DIMT1: variants seen among roughly 807,000 people sequenced by gnomAD.
DIMT1 encodes the protein dimethyladenosine transferase.
Under a neutral mutation model 43.2 loss-of-function variants are expected in DIMT1, and 36 were observed. The ratio of observed to expected loss-of-function variants is 0.83; its 90% CI spans 0.64 to 1.10. DIMT1 has a LOEUF of 1.10. DIMT1 is among the 50% of genes least tolerant of loss of function. The pLI is 0.00. For synonymous variants in DIMT1, 126 were observed against 130.3 expected, an observed-to-expected ratio of 0.97 and a Z score of 0.22; for missense variants, 341 against 385.3, an observed-to-expected ratio of 0.88 and a Z score of 0.96.
chr5:62,396,352 A>G (rs149376461), intron 6 of DIMT1, among the ~76,000 whole-genome samples: 391 of 151,954 alleles, frequency 2.6e-3, no homozygotes, highest in Non-Finnish European at 4.4e-3. Context: ...TAAAAAAAAT[A>G]CAACAATTAG....
chr5:62,392,447 T>G, intron 9 of DIMT1, among the ~76,000 whole-genome samples: 1 of 152,168 alleles, frequency 6.6e-6, no homozygotes, highest in East Asian at 1.9e-4. Flanking sequence ...ATATTTAAAG[T>G]GCAAAATCCT....
At chr5:62,389,083 T>A in intron 11 of DIMT1, 31 bp from the exon 12 acceptor site, 1 of 1,588,292 alleles carries the variant, frequency 6.3e-7, no homozygotes, top group East Asian at 2.2e-5. Flanking sequence ...GGAATGGTAC[T>A]GAAAAGCTAA....
intron 10 of DIMT1, chr5:62,391,734 T>C (rs1481087790): frequency 6.7e-6 from 9 of 1,336,824 alleles, no homozygotes; most frequent in Non-Finnish European, 8.6e-6. Flanking sequence ...TTGAGCCATA[T>C]GAACTTTATT....
intron 5 of DIMT1, 38 bp from the exon 6 acceptor site, chr5:62,398,598 C>A: frequency 6.2e-7 from 1 of 1,613,120 alleles, no homozygotes; most frequent in South Asian, 1.1e-5. Flanking sequence ...GGGAAAGACA[C>A]ATCAGAGGAA....
At chr5:62,397,183 ATC>A (rs1742526874) in intron 6 of DIMT1, among the ~76,000 whole-genome samples, 1 of 151,860 alleles carries the variant, frequency 6.6e-6, no homozygotes, top group South Asian at 2.1e-4. Context: ...ACCTCAAGTG[ATC>A]TGCCCGCCTC....
At chr5:62,389,086 A>G in intron 11 of DIMT1, 34 bp from the exon 12 acceptor site, 1 of 1,585,264 alleles carries the variant, frequency 6.3e-7, no homozygotes. Context: ...ATGGTACTGA[A>G]AAGCTAATTT....
rs769020034 is a variant in DIMT1 at position 62,398,550 on chromosome 5, G to T, written c.407C>A (p.Pro136His). The change falls in exon 6 of 12, where the codon CCT becomes CAT. Residue 136 changes from proline to histidine, a missense_variant. Pro to His is a moderately conservative substitution (Grantham distance 77). Coordinates refer to ENST00000199320, the MANE Select transcript of DIMT1 (RefSeq NM_014473.4). ...ATGTAGCAACAGCTTGAAGACAAAA[G>T]GTGAAGAGATCTGTAAGAGAATTAA... ...VANLPYQISS[P>H]FVFKLLLHRP... 1 of 1,612,934 alleles carries T rather than the reference G, an allele frequency of 6.2e-7. No individual in the cohort carries two copies. The highest frequency in any genetic ancestry group is 8.5e-7 in the Non-Finnish European group (1 of 1,178,990).
intron 6 of DIMT1, among the ~76,000 whole-genome samples, chr5:62,398,083 T>C (rs189819498): frequency 3.9e-4 from 59 of 152,290 alleles, no homozygotes; most frequent in African/African-American, 1.4e-3. Context: ...TCCTTCTCAG[T>C]GCCTCACACT....
chr5:62,400,113 T>A (rs1385697857), intron 3 of DIMT1, among the ~76,000 whole-genome samples: 1 of 152,206 alleles, frequency 6.6e-6, no homozygotes, highest in Non-Finnish European at 1.5e-5. Context: ...TTACTGTTAG[T>A]ATGTCACATC....
At chr5:62,396,139 G>GTTTTTTTTTTTTTTTTGTTTTTTT (rs758847833) in intron 6 of DIMT1, among the ~76,000 whole-genome samples, 1 of 116,746 alleles carries the variant, frequency 8.6e-6, no homozygotes, top group South Asian at 2.6e-4. Flanking sequence ...GTCACTGCAG[G>GTTTTTTTTTTTTTTTTGTTTTTTT]TTTTTTTTTT....
At chr5:62,403,569 C>T in intron 1 of DIMT1, 125 bp downstream of exon 1, 3 of 1,215,156 alleles carry the variant, frequency 2.5e-6, no homozygotes, top group Non-Finnish European at 3.5e-6. Flanking sequence ...CCACCCCTGC[C>T]TTCCGCGCTC....
intron 6 of DIMT1, among the ~76,000 whole-genome samples, chr5:62,398,068 T>C (rs1479600375): frequency 6.6e-6 from 1 of 152,208 alleles, no homozygotes; most frequent in Non-Finnish European, 1.5e-5. Context: ...CAAACTGATG[T>C]CTTATCCTTC....
intron 6 of DIMT1, 46 bp from the exon 7 acceptor site, chr5:62,394,653 T>C (rs768117132): frequency 6.2e-7 from 1 of 1,606,118 alleles, no homozygotes; most frequent in South Asian, 1.1e-5. Context: ...CATTGTCAAC[T>C]ATAAATGAAT....
rs188428645 is a variant in DIMT1 at position 62,391,973 on chromosome 5, A to G, written c.792+198T>C. ...CAGGGTGGAGTAATCAAAGTTGCTC[A>G]TATCTGTTTCACAGGATACACAGCA... is the stretch of plus-strand genomic sequence containing the variant. On this transcript the variant is annotated intron_variant, in intron 10 of 11. Transcript: ENST00000199320. 20 of 1,539,194 alleles carry G rather than the reference A, an allele frequency of 1.3e-5. No homozygotes were observed. In the East Asian group the frequency reaches 4.6e-4, roughly 36 times the overall value.
chr5:62,391,708 A>T, intron 10 of DIMT1: 1 of 1,301,558 alleles, frequency 7.7e-7, no homozygotes, highest in Non-Finnish European at 9.7e-7. Context: ...TGAGGCTCAC[A>T]ACCAGAAATC....
chr5:62,394,735 C>T, intron 6 of DIMT1, 128 bp from the exon 7 acceptor site: 2 of 1,333,624 alleles, frequency 1.5e-6, no homozygotes, highest in Non-Finnish European at 1.0e-6. Flanking sequence ...TAGGAGAACA[C>T]ATTCAGCCTT....
intron 7 of DIMT1, 23 bp downstream of exon 7, chr5:62,394,461 G>C: frequency 6.2e-7 from 1 of 1,613,254 alleles, no homozygotes; most frequent in Non-Finnish European, 8.5e-7. Context: ...AGAAAAAAGA[G>C]AAAGAAAACA....
chr5:62,403,112 C>A (rs142630334), intron 2 of DIMT1, among the ~76,000 whole-genome samples, 161 bp downstream of exon 2: 64 of 152,322 alleles, frequency 4.2e-4, no homozygotes, highest in African/African-American at 1.5e-3. Context: ...TGAAGCTTAT[C>A]ATGCAGAAGA....
At chr5:62,392,275 G>A (rs774865131) in intron 9 of DIMT1, 41 bp from the exon 10 acceptor site, 2 of 1,562,010 alleles carry the variant, frequency 1.3e-6, no homozygotes, top group Non-Finnish European at 1.7e-6. Flanking sequence ...TTATTCCAAA[G>A]TCAGAGTAAT....
Sources: gnomAD v4.1 joint callset for allele counts (sites outside exome capture counted in the v4.1 genomes callset) on GRCh38, gnomAD v4.1.1 for gene constraint, MANE v1.5 for transcripts, NCBI Gene and HGNC (gene_info 2026-07-23, HGNC 2026-07-21) for gene names.